Variants in TNIK observed in about 807,000 individuals in gnomAD.
The protein encoded by TNIK is TRAF2 and NCK-interacting protein kinase.
A neutral mutation model predicts 191.3 loss-of-function variants in TNIK; 49 were observed. The observed-to-expected ratio is 0.26, with a 90% CI of 0.20 to 0.32. The LOEUF (loss-of-function observed/expected upper bound fraction) is 0.32. TNIK is among the 10% of genes least tolerant of loss of function. The pLI is 1.00. For missense variants in TNIK, 1,155 were observed against 1,702.3 expected (o/e 0.68, Z 5.66); for synonymous variants, 594 against 600.9 (o/e 0.99, Z 0.17).
chr3:171,114,508 CT>C (rs1415218735), intron 18 of TNIK, among the ~76,000 whole-genome samples: 1 of 152,164 alleles, frequency 6.6e-6, no homozygotes, highest in Admixed American at 6.5e-5. Flanking sequence ...TTTCTGAAAA[CT>C]CAAGAATCTT....
intron 10 of TNIK, among the ~76,000 whole-genome samples, chr3:171,161,795 C>T (rs528082609): frequency 3.3e-5 from 5 of 152,158 alleles, no homozygotes; most frequent in Admixed American, 2.6e-4. Flanking sequence ...TGGCGGGTGC[C>T]TGTAGTCCCA....
chr3:171,344,402 AGTAGGGGTGATG>A (rs1480917497), intron 2 of TNIK, among the ~76,000 whole-genome samples: 1 of 152,160 alleles, frequency 6.6e-6, no homozygotes, highest in Non-Finnish European at 1.5e-5. Context: ...CTGAGGTGAT[AGTAGGGGTGATG>A]GTAGTAGCAG....
intron 1 of TNIK, among the ~76,000 whole-genome samples, chr3:171,426,835 G>A (rs762719905): frequency 6.6e-5 from 10 of 152,134 alleles, no homozygotes; most frequent in South Asian, 2.1e-4. Context: ...GGTTAAGGTC[G>A]CTGGAGTTGG....
chr3:171,435,050 A>T (rs2108672846), intron 1 of TNIK, among the ~76,000 whole-genome samples: 1 of 152,260 alleles, frequency 6.6e-6, no homozygotes, highest in Non-Finnish European at 1.5e-5. Context: ...TAATGTAGGG[A>T]CCTGATACGT....
intron 2 of TNIK, among the ~76,000 whole-genome samples, chr3:171,298,164 G>T (rs1361594458): frequency 6.6e-6 from 1 of 152,170 alleles, no homozygotes; most frequent in Non-Finnish European, 1.5e-5. Flanking sequence ...GCTAAAGTGT[G>T]TGTTGGTTTC....
At chr3:171,397,045 A>C (rs1269641484) in intron 1 of TNIK, among the ~76,000 whole-genome samples, 1 of 152,242 alleles carries the variant, frequency 6.6e-6, no homozygotes, top group East Asian at 1.9e-4. Flanking sequence ...ATACACTGGC[A>C]TGAAGAGAAA....
intron 3 of TNIK, among the ~76,000 whole-genome samples, chr3:171,221,141 G>C (rs1394551782): frequency 6.6e-6 from 1 of 152,150 alleles, no homozygotes; most frequent in African/African-American, 2.4e-5. Context: ...AGCCCCAAAG[G>C]TGGAGGGTAT....
chr3:171,088,043 C>A (rs1016076674), intron 23 of TNIK, among the ~76,000 whole-genome samples: 6 of 152,172 alleles, frequency 3.9e-5, no homozygotes, highest in African/African-American at 1.4e-4. Context: ...TTAATCAGAT[C>A]TGACAGGAGT....
chr3:171,257,886 A>G (rs1747077667), intron 2 of TNIK, among the ~76,000 whole-genome samples: 6 of 152,168 alleles, frequency 3.9e-5, no homozygotes, highest in Admixed American at 3.9e-4. Flanking sequence ...AAATCCCTCA[A>G]TATCAAACTG....
intron 2 of TNIK, among the ~76,000 whole-genome samples, chr3:171,244,665 A>G (rs969493194): frequency 2.4e-4 from 37 of 152,098 alleles, no homozygotes; most frequent in African/African-American, 8.4e-4. Flanking sequence ...TTTGAACTCG[A>G]AATTTAATCC....
At chr3:171,319,125 G>A (rs1489213250) in intron 2 of TNIK, among the ~76,000 whole-genome samples, 1 of 152,140 alleles carries the variant, frequency 6.6e-6, no homozygotes, top group East Asian at 1.9e-4. Flanking sequence ...GCTGCCGTGA[G>A]CTTTGATCCT....
intron 2 of TNIK, among the ~76,000 whole-genome samples, chr3:171,285,217 C>T (rs768602920): frequency 1.3e-5 from 2 of 152,118 alleles, no homozygotes; most frequent in Admixed American, 6.5e-5. Context: ...TTTGATAAAA[C>T]TGTTTTCTTT....
intron 1 of TNIK, among the ~76,000 whole-genome samples, chr3:171,450,539 A>G (rs920931411): frequency 3.3e-5 from 5 of 152,202 alleles, no homozygotes; most frequent in African/African-American, 1.2e-4. Flanking sequence ...CCAAATTTCT[A>G]CCTACAAAAG....
At chr3:171,273,318 G>A (rs1364023943) in intron 2 of TNIK, among the ~76,000 whole-genome samples, 1 of 152,202 alleles carries the variant, frequency 6.6e-6, no homozygotes, top group South Asian at 2.1e-4. Context: ...AGGCCTTCCT[G>A]GTTCTGGGCT....
chr3:171,067,895 G>A (rs1216925019), intron 30 of TNIK, among the ~76,000 whole-genome samples: 1 of 152,128 alleles, frequency 6.6e-6, no homozygotes, highest in Non-Finnish European at 1.5e-5. Flanking sequence ...ATCCACATGA[G>A]TTAAAAGTGG....
chr3:171,087,540 AG>A, intron 23 of TNIK, 34 bp from the exon 24 acceptor site: 1 of 1,604,940 alleles, frequency 6.2e-7, no homozygotes. Context: ...GGAGTTAGAG[AG>A]GGGGGAAAAA....
Position 171,402,136 on chromosome 3 carries a change from G to A in TNIK, c.58-32451C>T, listed in dbSNP as rs192753836. Among the ~76,000 whole-genome samples, 80 of 152,250 alleles carry A rather than the reference G, an allele frequency of 5.3e-4. No individual in the cohort carries two copies. The South Asian group carries it at 0.013, about 24-fold the overall frequency. On this transcript the variant is annotated intron_variant, in intron 1 of 32. Coordinates refer to ENST00000436636, the MANE Select transcript of TNIK (RefSeq NM_015028.4). ...GAGCATTCTTGCAATAATGACTAACGATAACTGGTACCACTTTTACTATAA... is the reference window on the plus strand; with the variant it reads ...GAGCATTCTTGCAATAATGACTAACAATAACTGGTACCACTTTTACTATAA...
rs999035459 is a variant in TNIK at position 171,303,798 on chromosome 3, C to A, written c.123+65822G>T. On this transcript the variant is annotated intron_variant, in intron 2 of 32. Coordinates refer to ENST00000436636, the MANE Select transcript of TNIK (RefSeq NM_015028.4). ...CACTCTATACATAGCCCCCTGACTC[C>A]ACCTGTTTTCTGGTGGTGTTAAGAA... Among the ~76,000 whole-genome samples the A allele has an allele frequency of 6.6e-5, 10 of 152,168 alleles. No individual in the cohort carries two copies. The East Asian group carries it at 1.9e-3, about 29-fold the overall frequency.
At chr3:171,295,197 C>T (rs1330909688) in intron 2 of TNIK, among the ~76,000 whole-genome samples, 2 of 152,152 alleles carry the variant, frequency 1.3e-5, no homozygotes, top group Non-Finnish European at 2.9e-5. Context: ...TTTTGGGTTT[C>T]CATGAGCATA....
Sources: allele counts gnomAD v4.1 joint callset (sites outside exome capture counted in the v4.1 genomes callset), GRCh38; gene constraint gnomAD v4.1.1; transcripts MANE v1.5; gene names NCBI Gene and HGNC (gene_info 2026-07-23, HGNC 2026-07-21).